The following DUSP11 variants were observed in gnomAD, a reference collection of about 807,000 sequenced individuals.
The protein encoded by DUSP11 is dual specificity phosphatase 11.
In DUSP11, 27 loss-of-function variants were observed where a neutral mutation model predicts 41.4. The ratio of observed to expected loss-of-function variants is 0.65; its 90% confidence interval spans 0.48 to 0.90. DUSP11 has a LOEUF of 0.90. Ranked by LOEUF, DUSP11 falls within the 40% of genes least tolerant of loss-of-function variation. The pLI, the probability that DUSP11 is intolerant of heterozygous loss-of-function variation, is 0.00. For missense variants in DUSP11, 465 were observed against 461.1 expected, an observed-to-expected ratio of 1.01 and a Z score of -0.08; for synonymous variants, 188 against 159.3, an observed-to-expected ratio of 1.18 and a Z score of -1.35.
At chr2:73,776,178 G>T (rs1672681667) in intron 2 of DUSP11, among the ~76,000 whole-genome samples, 1 of 151,960 alleles carries the variant, frequency 6.6e-6, no homozygotes, top group African/African-American at 2.4e-5. Context: ...ACTTTGGGAG[G>T]CCGAGGCAGG....
chr2:73,766,309 C>CA (rs34279043), intron 8 of DUSP11, 109 bp downstream of exon 8: 35,577 of 829,242 alleles, frequency 0.043, no homozygotes, highest in South Asian at 0.048. Context: ...ACTCTGTCTC[C>CA]AAAAAAAAAA....
chr2:73,779,821 G>C, intron 1 of DUSP11, 53 bp downstream of exon 1: 1 of 1,607,736 alleles, frequency 6.2e-7, no homozygotes, highest in Admixed American at 1.7e-5. Context: ...ATGAAGCCCA[G>C]ACCCAGAAGC....
chr2:73,778,205 T>C (rs1672720382), intron 2 of DUSP11, 96 bp downstream of exon 2: 1 of 782,474 alleles, frequency 1.3e-6, no homozygotes, highest in Non-Finnish European at 2.0e-6. Context: ...AAGTATTTGC[T>C]ATAAAAAGAG....
chr2:73,762,866 G>A lies in DUSP11; in HGVS notation c.936-7C>T, dbSNP rs1318286304. On this transcript the variant is annotated splice_region_variant and splice_polypyrimidine_tract_variant and intron_variant, in intron 8 of 8. Transcript: ENST00000272444. ...TGGATTCTCTGAAAATTTTCTTAAA[G>A]CAAAACAAAAAGTAATAAGCCATTA... The A allele has an allele frequency of 2.6e-6, 4 of 1,541,988 alleles. No homozygotes were observed. The highest frequency in any genetic ancestry group is 2.7e-5 in the African/African-American group (2 of 73,244).
intron 2 of DUSP11, among the ~76,000 whole-genome samples, chr2:73,776,768 T>C (rs1241294660): frequency 6.6e-6 from 1 of 152,238 alleles, no homozygotes; most frequent in African/African-American, 2.4e-5. Context: ...ACAAAATTAT[T>C]TATTAGATGT....
At chr2:73,773,553 A>C in intron 4 of DUSP11, 1 of 409,188 alleles carries the variant, frequency 2.4e-6, no homozygotes, top group Non-Finnish European at 4.5e-6. Context: ...TTCTCATTCA[A>C]ATTAAAAAAG....
At chr2:73,775,863 T>TAA (rs1558535250) in intron 2 of DUSP11, among the ~76,000 whole-genome samples, 106 of 101,470 alleles carry the variant, frequency 1.0e-3, no homozygotes, top group African/African-American at 2.5e-3. Flanking sequence ...AAAAAAAAAT[T>TAA]TAAAAAAAAA....
At chr2:73,770,502 G>A (rs1304987171) in intron 4 of DUSP11, among the ~76,000 whole-genome samples, 1 of 148,420 alleles carries the variant, frequency 6.7e-6, no homozygotes, top group Non-Finnish European at 1.5e-5. Flanking sequence ...GCGACAGAGT[G>A]AGACTCCATC....
chr2:73,773,495 C>G (rs949274786), intron 4 of DUSP11: 2 of 365,320 alleles, frequency 5.5e-6, no homozygotes, highest in South Asian at 2.2e-5. Flanking sequence ...CTACTTCTCA[C>G]TTCTTAACCA....
chr2:73,763,090 T>C (rs1035749302), intron 8 of DUSP11, among the ~76,000 whole-genome samples: 1 of 152,216 alleles, frequency 6.6e-6, no homozygotes, highest in Non-Finnish European at 1.5e-5. Flanking sequence ...CGAGCTGTTA[T>C]GAAGCTAAAT....
chr2:73,778,261 C>T (rs1415377518), intron 2 of DUSP11, 40 bp downstream of exon 2: 2 of 1,410,622 alleles, frequency 1.4e-6, no homozygotes, highest in African/African-American at 1.4e-5. Context: ...GCATGGTGAA[C>T]TCAGATGCCT....
chr2:73,766,748 G>C, intron 7 of DUSP11, 80 bp downstream of exon 7: 1 of 1,383,058 alleles, frequency 7.2e-7, no homozygotes, highest in Non-Finnish European at 1.0e-6. Flanking sequence ...GCTACCAGAA[G>C]AATGAACATA....
rs115421275 is a variant in DUSP11 at position 73,779,498 on chromosome 2, C to T, written c.242+376G>A. The T allele has an allele frequency of 6.1e-3, 1,411 of 229,922 alleles. 22 individuals are homozygous for T. The highest frequency in any genetic ancestry group is 0.029 in the African/African-American group (1,279 of 44,858). 14.2% of individuals were successfully genotyped at this position (229,922 alleles called of 1,614,324 possible). ...ACTTTCCATGTGAGATCTCAGGGCG[C>T]TACTACTGCTGGGTTCCTAACTCAA... is the stretch of plus-strand genomic sequence containing the variant. On this transcript the variant is annotated intron_variant, in intron 1 of 8. Coordinates refer to ENST00000272444, the Ensembl canonical transcript of DUSP11.
intron 5 of DUSP11, chr2:73,768,749 G>A: frequency 1.6e-6 from 1 of 645,004 alleles, no homozygotes; most frequent in South Asian, 6.9e-5. Flanking sequence ...AAGGTCAGGA[G>A]ATCAAGACCA....
At chr2:73,773,356 G>A (rs1370486594) in intron 4 of DUSP11, 15 of 223,368 alleles carry the variant, frequency 6.7e-5, no homozygotes, top group African/African-American at 3.1e-4. Context: ...AAATACATAT[G>A]ACAAAGGGGC....
intron 4 of DUSP11, among the ~76,000 whole-genome samples, chr2:73,772,261 A>C (rs1366875259): frequency 6.6e-6 from 1 of 152,218 alleles, no homozygotes; most frequent in Non-Finnish European, 1.5e-5. Context: ...GTGTTTACTG[A>C]ATCAATTTAT....
chr2:73,779,789 C>A, intron 1 of DUSP11, 85 bp downstream of exon 1: 1 of 1,569,250 alleles, frequency 6.4e-7, no homozygotes, highest in South Asian at 1.2e-5. Flanking sequence ...ATGGCAACGG[C>A]GAGAGGCAGA....
rs930750584 is a variant in DUSP11, at chr2:73,767,361, C to T, written c.636-154G>A. 2.7e-5 allele frequency: 16 copies of T among 591,928 alleles called. No individual in the cohort carries two copies. The East Asian group carries it at 3.1e-4, about 12-fold the overall frequency. The allele number at this position is 591,928 out of a possible 1,614,324, so 36.7% of individuals were successfully genotyped here. ...CCAGCAGTTATTAAAGAATGACATA[C>T]CATGACCACAAAAAGACGTTTTTCA... On this transcript the variant is annotated intron_variant, in intron 5 of 8. Coordinates refer to ENST00000272444, the Ensembl canonical transcript of DUSP11.
chr2:73,779,819 C>G, intron 1 of DUSP11, 55 bp downstream of exon 1: 3 of 1,607,166 alleles, frequency 1.9e-6, no homozygotes, highest in Admixed American at 1.7e-5. Context: ...CGATGAAGCC[C>G]AGACCCAGAA....
Sources: allele counts gnomAD v4.1 joint callset (sites outside exome capture counted in the v4.1 genomes callset), GRCh38; gene constraint gnomAD v4.1.1; transcripts MANE v1.5; gene names NCBI Gene and HGNC (gene_info 2026-07-23, HGNC 2026-07-21).